Variants in PLEKHG5 observed in about 807,000 individuals in gnomAD.
PLEKHG5 encodes pleckstrin homology and RhoGEF domain containing G5, also known as pleckstrin homology domain-containing family G member 5.
Under a neutral mutation model 103.8 loss-of-function variants are expected in PLEKHG5, and 52 were observed. The observed-to-expected ratio is 0.50, with a 90% confidence interval of 0.40 to 0.63. The LOEUF (loss-of-function observed/expected upper bound fraction) is 0.63, where lower values mean the gene tolerates loss of function less well. Among genes scored for constraint, PLEKHG5 ranks in the 30% least tolerant of loss-of-function variants. PLEKHG5 has a pLI of 0.00. For missense variants in PLEKHG5, 1,205 were observed against 1,347.6 expected, an observed-to-expected ratio of 0.89 and a Z score of 1.66; for synonymous variants, 592 against 575.5, an observed-to-expected ratio of 1.03 and a Z score of -0.41.
At chr1:6,500,933 C>T (rs1015959270), upstream of PLEKHG5, among the ~76,000 whole-genome samples, 2 of 152,224 alleles carry the variant, frequency 1.3e-5, no homozygotes, top group Admixed American at 6.5e-5. Flanking sequence ...GGGCTTTGTC[C>T]TGAACATGAT....
In PLEKHG5 at chr1:6,471,068, G is replaced by A. The variant is rs1195215081; in HGVS notation, c.1314C>T (p.Tyr438=). The A allele has an allele frequency of 4.4e-6, 7 of 1,595,612 alleles. No homozygotes were observed. In the Admixed American group the frequency reaches 6.9e-5, roughly 16 times the overall value. The part of the protein sequence containing the change: ...FGSLFKPYIR[Y]CMEEEGCMEY... ...CCATGCAGCCCTCCTCCTCCATGCAGTAGCGGATGTAGGGCTTGAAGAGCG... is the reference window on the plus strand; with the variant it reads ...CCATGCAGCCCTCCTCCTCCATGCAATAGCGGATGTAGGGCTTGAAGAGCG... Residue 438 remains tyrosine, a synonymous_variant, in exon 13 of 21, where the codon TAC becomes TAT. Coordinates refer to ENST00000377728, the MANE Select transcript of PLEKHG5 (RefSeq NM_020631.6).
At chr1:6,496,991 C>A (rs1355176886), upstream of PLEKHG5, 1 of 1,527,850 alleles carries the variant, frequency 6.5e-7, no homozygotes, top group African/African-American at 1.4e-5. Flanking sequence ...GACAGAGGAG[C>A]CCCCGAAGGT....
At chr1:6,484,017 G>A (rs554971861) in intron 1 of PLEKHG5, among the ~76,000 whole-genome samples, 27 of 152,192 alleles carry the variant, frequency 1.8e-4, no homozygotes, top group Non-Finnish European at 3.4e-4. Flanking sequence ...TGGTCTCACC[G>A]CAGGTAGGGG....
chr1:6,518,960 T>C (rs908204519), intron 1 of PLEKHG5, among the ~76,000 whole-genome samples: 3 of 152,210 alleles, frequency 2.0e-5, no homozygotes, highest in Non-Finnish European at 2.9e-5. Context: ...TCTCCTGCCT[T>C]AGCCTCCCGA....
chr1:6,485,613 G>A (rs1645014947), intron 1 of PLEKHG5: 5 of 495,196 alleles, frequency 1.0e-5, no homozygotes, highest in Non-Finnish European at 8.1e-6. Flanking sequence ...CCTCCCGCCC[G>A]GGCCCTCGCC....
At chr1:6,480,667 G>A (rs1217556603) in intron 1 of PLEKHG5, among the ~76,000 whole-genome samples, 1 of 138,420 alleles carries the variant, frequency 7.2e-6, no homozygotes, top group Non-Finnish European at 1.6e-5. Flanking sequence ...TTTTTTTTTT[G>A]AGACAGGGTC....
chr1:6,496,654 G>T, upstream of PLEKHG5: 1 of 955,364 alleles, frequency 1.0e-6, no homozygotes, highest in Non-Finnish European at 1.5e-6. Context: ...GAGGAGGGGT[G>T]GGGTGATCTC....
chr1:6,519,951 C>A, exon 1 of PLEKHG5: 1 of 249,982 alleles, frequency 4.0e-6, no homozygotes, highest in Non-Finnish European at 7.9e-6. Context: ...CTCTGCAATC[C>A]CAGCAGCCAG....
At chr1:6,482,316 C>T (rs11805154) in intron 1 of PLEKHG5, among the ~76,000 whole-genome samples, 5 of 152,172 alleles carry the variant, frequency 3.3e-5, no homozygotes, top group Admixed American at 6.6e-5. Context: ...GCCTGACCTC[C>T]GGTCCCAGCT....
At chr1:6,500,137 T>C (rs768871613), upstream of PLEKHG5, among the ~76,000 whole-genome samples, 1 of 152,132 alleles carries the variant, frequency 6.6e-6, no homozygotes, top group Non-Finnish European at 1.5e-5. Flanking sequence ...CCTGAGACTA[T>C]GAATTGAGAC....
chr1:6,487,306 G>T lies in PLEKHG5; in HGVS notation c.-88+4331C>A, dbSNP rs752133347. 6.6e-6 allele frequency among the ~76,000 whole-genome samples: 1 copy of T among 152,116 alleles called. No individual in the cohort carries two copies. Among genetic ancestry groups the T allele is most frequent in the African/African-American group, 2.4e-5 (1 of 41,418 alleles). ...ACTTTTTGTATTTTAGTAGAGATGG[G>T]GTTTCGCCATGTTGACCAGGCTGGT... is the stretch of plus-strand genomic sequence containing the variant. On this transcript the variant is annotated intron_variant, in intron 1 of 20. Transcript: ENST00000377728. The surrounding 1 kb of genome is among the most constrained non-coding windows in gnomAD (Gnocchi z 4.1).
At chr1:6,507,227 G>T (rs921342914) in intron 1 of PLEKHG5, among the ~76,000 whole-genome samples, 3 of 152,202 alleles carry the variant, frequency 2.0e-5, no homozygotes, top group Non-Finnish European at 2.9e-5. Flanking sequence ...GGCTTTCCCT[G>T]CGTGTGTGGG....
At chr1:6,471,364 G>A (rs777928961) in intron 12 of PLEKHG5, 124 bp downstream of exon 12, 3 of 1,154,176 alleles carry the variant, frequency 2.6e-6, no homozygotes, top group Non-Finnish European at 3.7e-6. Flanking sequence ...GCCACAAGGG[G>A]TCAAGTGCGG....
intron 1 of PLEKHG5, among the ~76,000 whole-genome samples, chr1:6,507,749 T>C (rs1226851880): frequency 2.6e-5 from 4 of 152,152 alleles, no homozygotes; most frequent in East Asian, 3.9e-4. Context: ...TCGAACCATA[T>C]GCCTGCCTGG....
At position 6,470,632 on chromosome 1, in the gene PLEKHG5, C is replaced by T. The variant is rs1644539941; in HGVS notation, c.1554G>A (p.Val518=). ...CGTTCACGTGGTGGATGAAGCGCTC[C>T]ACGGAGCCGATCTAGGGGCAGGTGA... ...KEAVVAMIGS[V]ERFIHHVNAC... is the part of the protein sequence containing the mutation. The change falls in exon 15 of 21, where the codon GTG becomes GTA. Residue 518 remains valine, a synonymous_variant. Transcript: ENST00000377728. 2 of 1,577,514 alleles carry T rather than the reference C, an allele frequency of 1.3e-6. No homozygotes were observed. Among genetic ancestry groups the T allele is most frequent in the African/African-American group, 1.3e-5 (1 of 74,122 alleles).
chr1:6,496,302 T>G (rs1017017990), upstream of PLEKHG5, among the ~76,000 whole-genome samples: 5 of 152,222 alleles, frequency 3.3e-5, no homozygotes, highest in Non-Finnish European at 7.3e-5. Flanking sequence ...CCGACTCCAC[T>G]GTTCCTGAGC....
intron 1 of PLEKHG5, among the ~76,000 whole-genome samples, chr1:6,511,627 T>TG: frequency 6.6e-6 from 1 of 152,226 alleles, no homozygotes; most frequent in Admixed American, 6.5e-5. Context: ...CCCCAGGCGC[T>TG]GGGACTGAGG....
At chr1:6,508,172 C>T (rs1569998970) in intron 1 of PLEKHG5, among the ~76,000 whole-genome samples, 1 of 61,736 alleles carries the variant, frequency 1.6e-5, no homozygotes, top group East Asian at 1.3e-3. Context: ...GCCCCTGCTG[C>T]AGCGGTCACC....
intron 19 of PLEKHG5, 110 bp downstream of exon 19, chr1:6,468,932 T>G (rs768352159): frequency 1.1e-6 from 1 of 944,774 alleles, no homozygotes; most frequent in Non-Finnish European, 1.7e-6. Context: ...TCCCACAGTG[T>G]TCATGACAAG....
Sources: allele counts gnomAD v4.1 joint callset (sites outside exome capture counted in the v4.1 genomes callset), GRCh38; gene constraint gnomAD v4.1.1; non-coding constraint Gnocchi (gnomAD v3.1); transcripts MANE v1.5; gene names NCBI Gene and HGNC (gene_info 2026-07-23, HGNC 2026-07-21).